The following CDK14 variants were observed in gnomAD, a reference collection of about 807,000 sequenced individuals.
The protein encoded by CDK14 is cyclin dependent kinase 14.
Under a neutral mutation model 60.7 loss-of-function variants are expected in CDK14, and 34 were observed. The ratio of observed to expected loss-of-function variants is 0.56; its 90% CI spans 0.43 to 0.75. CDK14 has a LOEUF of 0.75. Among genes scored for constraint, CDK14 ranks in the 30% least tolerant of loss-of-function variants. The pLI is 0.00. For synonymous variants in CDK14, 197 were observed against 203.7 expected (o/e 0.97, Z 0.28); for missense variants, 482 against 564.1 (o/e 0.85, Z 1.47).
intron 14 of CDK14, among the ~76,000 whole-genome samples, chr7:91,176,523 G>T (rs918547060): frequency 2.6e-5 from 4 of 152,064 alleles, no homozygotes; most frequent in South Asian, 2.1e-4. Context: ...TCCAGGAGCT[G>T]GTTTTTTGAA....
chr7:91,038,860 T>C (rs1797004197), intron 10 of CDK14, among the ~76,000 whole-genome samples: 2 of 152,208 alleles, frequency 1.3e-5, no homozygotes, highest in South Asian at 4.1e-4. Flanking sequence ...CCATATAAGA[T>C]GTTACTTGCT....
At chr7:90,634,621 G>A (rs1229688270) in intron 2 of CDK14, among the ~76,000 whole-genome samples, 1 of 152,082 alleles carries the variant, frequency 6.6e-6, no homozygotes, top group African/African-American at 2.4e-5. Context: ...ATAGCAGCAC[G>A]ATTTATAGTC....
intron 5 of CDK14, among the ~76,000 whole-genome samples, chr7:90,828,528 T>C (rs1249372722): frequency 3.9e-5 from 6 of 151,964 alleles, no homozygotes; most frequent in African/African-American, 1.2e-4. Context: ...ATATTTTTTT[T>C]CCCTATTGGT....
At chr7:91,035,989 G>A (rs1489492895) in intron 10 of CDK14, among the ~76,000 whole-genome samples, 1 of 151,920 alleles carries the variant, frequency 6.6e-6, no homozygotes. Flanking sequence ...GACTACAGGC[G>A]CCTGCCACCG....
At position 91,190,977 on chromosome 7, in the gene CDK14, G is replaced by T. The variant is rs74564578; in HGVS notation, c.*29-16188G>T. On this transcript the variant is annotated intron_variant, in intron 14 of 14. Transcript: ENST00000380050. ...AATGATTTGGGTCTCATACGTGTCT[G>T]ACCAGAGATCAACCCCACACTTTCA... Among the ~76,000 whole-genome samples, 823 of 152,260 alleles carry T rather than the reference G, an allele frequency of 5.4e-3. 15 individuals carry two copies. The highest frequency in any genetic ancestry group is 0.018 in the African/African-American group (749 of 41,526).
chr7:91,182,536 G>T (rs1802037049), intron 14 of CDK14, among the ~76,000 whole-genome samples: 1 of 151,408 alleles, frequency 6.6e-6, no homozygotes, highest in Non-Finnish European at 1.5e-5. Context: ...ATAGCTTAAT[G>T]GAAAGTAAAA....
chr7:90,747,059 A>G (rs1405991878), intron 3 of CDK14, among the ~76,000 whole-genome samples: 2 of 152,244 alleles, frequency 1.3e-5, no homozygotes, highest in Non-Finnish European at 2.9e-5. Context: ...TTTGAAAACC[A>G]TGAAACAATA....
chr7:90,929,269 A>G (rs997469663), intron 8 of CDK14, among the ~76,000 whole-genome samples: 2 of 152,174 alleles, frequency 1.3e-5, no homozygotes, highest in Admixed American at 1.3e-4. Context: ...GGAAATGCAG[A>G]AATCACCCAT....
intron 2 of CDK14, among the ~76,000 whole-genome samples, chr7:90,699,972 A>G (rs55774104): frequency 0.013 from 1,929 of 152,330 alleles, 39 homozygotes; most frequent in African/African-American, 0.043. Flanking sequence ...CCTAAATTAG[A>G]ATAAATATTG....
At chr7:90,938,306 C>T (rs779565044) in intron 8 of CDK14, among the ~76,000 whole-genome samples, 28 of 152,162 alleles carry the variant, frequency 1.8e-4, no homozygotes, top group Non-Finnish European at 4.0e-4. Context: ...GGTTTGAGAG[C>T]TTGTGGAATA....
intron 5 of CDK14, among the ~76,000 whole-genome samples, chr7:90,828,992 T>G (rs1238441005): frequency 6.6e-6 from 1 of 152,040 alleles, no homozygotes; most frequent in East Asian, 1.9e-4. Context: ...CTCAGGAAAC[T>G]TACAATTATG....
At chr7:90,745,493 A>G (rs532360523) in intron 3 of CDK14, among the ~76,000 whole-genome samples, 165 of 152,214 alleles carry the variant, frequency 1.1e-3, no homozygotes, top group African/African-American at 3.7e-3. Flanking sequence ...TGAGCTTATT[A>G]CTTTTTTAAC....
intron 8 of CDK14, among the ~76,000 whole-genome samples, chr7:90,953,085 T>G (rs1307115050): frequency 6.6e-6 from 1 of 152,162 alleles, no homozygotes; most frequent in Non-Finnish European, 1.5e-5. Context: ...ATTTTCTCCC[T>G]TCCTGAAAAG....
intron 9 of CDK14, among the ~76,000 whole-genome samples, chr7:90,960,632 G>T (rs1794576777): frequency 6.6e-6 from 1 of 152,108 alleles, no homozygotes; most frequent in African/African-American, 2.4e-5. Context: ...TGTTTATTAA[G>T]TATTGAAAGG....
chr7:90,732,761 A>G (rs763143866), intron 3 of CDK14, among the ~76,000 whole-genome samples: 15 of 147,842 alleles, frequency 1.0e-4, no homozygotes, highest in South Asian at 4.1e-4. Context: ...CTAGAGGTCT[A>G]TCTATTTTGT....
At chr7:90,940,296 T>C (rs1374637488) in intron 8 of CDK14, among the ~76,000 whole-genome samples, 2 of 152,206 alleles carry the variant, frequency 1.3e-5, no homozygotes, top group Non-Finnish European at 2.9e-5. Context: ...CCCCCTGTTA[T>C]TTATTTTGTC....
intron 9 of CDK14, among the ~76,000 whole-genome samples, chr7:90,962,027 A>T (rs1362967541): frequency 6.6e-6 from 1 of 152,208 alleles, no homozygotes; most frequent in Non-Finnish European, 1.5e-5. Flanking sequence ...TACAAACTCA[A>T]ATTCCTTGTT....
intron 3 of CDK14, among the ~76,000 whole-genome samples, chr7:90,744,300 CAT>C (rs1363834165): frequency 1.3e-5 from 2 of 152,158 alleles, no homozygotes; most frequent in Non-Finnish European, 2.9e-5. Context: ...GGACACAGCA[CAT>C]GTTTCAGAGA....
intron 8 of CDK14, among the ~76,000 whole-genome samples, chr7:90,941,549 G>T (rs1793932657): frequency 6.6e-6 from 1 of 152,092 alleles, no homozygotes. Flanking sequence ...TATATTCCTG[G>T]GTTCAAGTGA....
Sources: allele counts gnomAD v4.1 joint callset (sites outside exome capture counted in the v4.1 genomes callset), GRCh38; gene constraint gnomAD v4.1.1; transcripts MANE v1.5; gene names NCBI Gene and HGNC (gene_info 2026-07-23, HGNC 2026-07-21).